Variants in RGPD8 observed in about 807,000 individuals in gnomAD.
RGPD8 encodes the protein RANBP2-like and GRIP domain-containing protein 8.
In RGPD8, 15 loss-of-function variants were observed where a neutral mutation model predicts 89.1. That is an observed-to-expected ratio of 0.17 (90% CI 0.11 to 0.26). The LOEUF (loss-of-function observed/expected upper bound fraction) is 0.26. RGPD8 is among the 10% of genes least tolerant of loss of function. The pLI is 1.00. For synonymous variants in RGPD8, 62 were observed against 420.9 expected (o/e 0.15, Z 10.44); for missense variants, 178 against 1,179.6 (o/e 0.15, Z 12.44).
At chr2:112,432,704 C>T (rs1300522842) in intron 1 of RGPD8, 1 of 985,180 alleles carries the variant, frequency 1.0e-6, no homozygotes, top group East Asian at 1.1e-4. Context: ...AACTAGGCCG[C>T]GCGGGTACTA....
At chr2:112,432,624 A>G in intron 1 of RGPD8, 1 of 985,118 alleles carries the variant, frequency 1.0e-6, no homozygotes, top group Non-Finnish European at 1.2e-6. Flanking sequence ...CCGCCGCGGC[A>G]TATAAAGTAA....
intron 9 of RGPD8, among the ~76,000 whole-genome samples, chr2:112,402,439 G>A (rs1427928851): frequency 1.3e-5 from 2 of 150,502 alleles, no homozygotes; most frequent in East Asian, 1.9e-4. Flanking sequence ...CCTGGCAGCC[G>A]AGATTGCGCC....
chr2:112,427,048 G>A (rs1483669664), intron 1 of RGPD8, among the ~76,000 whole-genome samples: 4 of 151,740 alleles, frequency 2.6e-5, no homozygotes, highest in East Asian at 1.9e-4. Context: ...GACTTCTTCC[G>A]CCTCCCAAAG....
chr2:112,411,339 C>T (rs1679190350), intron 7 of RGPD8, among the ~76,000 whole-genome samples: 1 of 144,108 alleles, frequency 6.9e-6, no homozygotes, highest in African/African-American at 2.6e-5. Context: ...GAGGCCGAGG[C>T]AGGTGGATGA....
chr2:112,373,991 AT>A (rs1324374647), intron 22 of RGPD8, among the ~76,000 whole-genome samples: 7 of 72,998 alleles, frequency 9.6e-5, no homozygotes, highest in South Asian at 5.1e-4. Flanking sequence ...TAAAAAAAAA[AT>A]ATCCTGAATG....
rs1680168880 is a variant in RGPD8, at chr2:112,433,644, G to GTATC, written c.-192_-191insGATA. 1.4e-6 allele frequency: 1 copy of GTATC among 725,932 alleles called. No individual in the cohort carries two copies. The highest frequency in any genetic ancestry group is 1.8e-5 in the African/African-American group (1 of 55,932). The allele number at this position is 725,932 out of a possible 1,614,324, so 45.0% of individuals were successfully genotyped here. On this transcript the variant is annotated 5_prime_UTR_variant, in exon 1 of 23. Coordinates refer to ENST00000302558, the MANE Select transcript of RGPD8 (RefSeq NM_001164463.1). The stretch of plus-strand genomic sequence containing the variant: ...AACCTGCGTTCTGCCTCAGCACTGT[G>GTATC]TATCCTCGGGGACGTCGGCGCTCCA...
chr2:112,427,690 G>A (rs4067433), intron 1 of RGPD8, among the ~76,000 whole-genome samples: 36 of 152,062 alleles, frequency 2.4e-4, no homozygotes, highest in Admixed American at 8.5e-4. Context: ...TCACCCTGTC[G>A]CCCATCTTGC....
At chr2:112,428,187 A>G (rs939984660) in intron 1 of RGPD8, among the ~76,000 whole-genome samples, 2 of 152,286 alleles carry the variant, frequency 1.3e-5, no homozygotes, top group African/African-American at 4.8e-5. Flanking sequence ...GAATTCGATA[A>G]CCAAATGATC....
At chr2:112,408,701 G>C (rs1458597399) in intron 7 of RGPD8, among the ~76,000 whole-genome samples, 4 of 150,360 alleles carry the variant, frequency 2.7e-5, no homozygotes, top group African/African-American at 7.4e-5. Context: ...ATGGAGTCTC[G>C]CTCTGTCGCC....
intron 1 of RGPD8, among the ~76,000 whole-genome samples, chr2:112,431,719 C>T (rs1680046970): frequency 6.6e-6 from 1 of 151,906 alleles, no homozygotes; most frequent in Non-Finnish European, 1.5e-5. Context: ...TCACTAGAAC[C>T]TCCGCCTCCC....
chr2:112,410,567 G>C (rs1220667578), intron 7 of RGPD8, among the ~76,000 whole-genome samples: 1 of 151,516 alleles, frequency 6.6e-6, no homozygotes, highest in Non-Finnish European at 1.5e-5. Context: ...CACGAGGTCA[G>C]AAGATCGAGA....
At chr2:112,431,141 C>G (rs1680011659) in intron 1 of RGPD8, among the ~76,000 whole-genome samples, 1 of 151,926 alleles carries the variant, frequency 6.6e-6, no homozygotes, top group South Asian at 2.1e-4. Flanking sequence ...ACCTGTGGTC[C>G]CAACTACTCG....
intron 22 of RGPD8, among the ~76,000 whole-genome samples, chr2:112,371,693 A>C (rs1183547038): frequency 1.5e-5 from 1 of 68,382 alleles, no homozygotes; most frequent in Non-Finnish European, 2.8e-5. Flanking sequence ...TGCATAATTC[A>C]CTGGTTTTTA....
intron 1 of RGPD8, among the ~76,000 whole-genome samples, chr2:112,425,158 C>T (rs2673114): frequency 6.6e-6 from 1 of 151,996 alleles, no homozygotes; most frequent in African/African-American, 2.4e-5. Context: ...TTGGAAATCT[C>T]GGAAACCCTG....
At chr2:112,431,544 G>A (rs1385207426) in intron 1 of RGPD8, among the ~76,000 whole-genome samples, 2 of 152,096 alleles carry the variant, frequency 1.3e-5, no homozygotes, top group Admixed American at 1.3e-4. Context: ...AATATCCACA[G>A]GGTTGCTGGA....
At chr2:112,419,498 C>G (rs1679491875) in intron 4 of RGPD8, among the ~76,000 whole-genome samples, 1 of 145,158 alleles carries the variant, frequency 6.9e-6, no homozygotes, top group Admixed American at 6.9e-5. Context: ...ATTCATTAAA[C>G]AAATGTCAGA....
intron 6 of RGPD8, among the ~76,000 whole-genome samples, chr2:112,415,330 A>G (rs1265629563): frequency 2.0e-5 from 3 of 152,196 alleles, no homozygotes; most frequent in Non-Finnish European, 2.9e-5. Flanking sequence ...CAAGGCGGGT[A>G]ACAAAGGGCC....
At chr2:112,417,142 A>G in intron 6 of RGPD8, 51 bp downstream of exon 6, 2 of 1,608,034 alleles carry the variant, frequency 1.2e-6, no homozygotes, top group Non-Finnish European at 1.7e-6. Context: ...ACTTACTGCA[A>G]AAAGAAAAAC....
chr2:112,432,917 C>CT lies in RGPD8; in HGVS notation c.72+464_72+465insA. ...CAACAGAGCGCGCCAGGGAGCAGCGCCCTCGGGAGCCATGACCCCTGACCC... is the reference window on the plus strand; with the variant it reads ...CAACAGAGCGCGCCAGGGAGCAGCGCTCCTCGGGAGCCATGACCCCTGACCC... On this transcript the variant is annotated intron_variant, in intron 1 of 22. Coordinates refer to ENST00000302558, the MANE Select transcript of RGPD8 (RefSeq NM_001164463.1). 2.1e-5 allele frequency among the ~76,000 whole-genome samples: 3 copies of CT among 142,732 alleles called. 1 individual carries two copies. The highest frequency in any genetic ancestry group is 6.9e-5 in the Admixed American group (1 of 14,536). The allele number at this position is 142,732 out of a possible 152,430, so 93.6% of individuals were successfully genotyped here.
Sources: gnomAD v4.1 joint callset for allele counts (sites outside exome capture counted in the v4.1 genomes callset) on GRCh38, gnomAD v4.1.1 for gene constraint, MANE v1.5 for transcripts, NCBI Gene and HGNC (gene_info 2026-07-23, HGNC 2026-07-21) for gene names.